The following AFG1L variants were observed in gnomAD, a reference collection of about 807,000 sequenced individuals.
The protein encoded by AFG1L is AFG1 like ATPase, also known as AFG1-like ATPase.
AFG1L carries 53 observed loss-of-function variants against 62.2 expected under a neutral mutation model. That is an observed-to-expected ratio of 0.85 (90% CI 0.68 to 1.07). AFG1L has a LOEUF of 1.07. Among genes scored for constraint, AFG1L ranks in the 50% least tolerant of loss-of-function variants. The pLI is 0.00. For synonymous variants in AFG1L, 228 were observed against 210.3 expected (o/e 1.08, Z -0.73); for missense variants, 555 against 590.5 (o/e 0.94, Z 0.62).
intron 7 of AFG1L, among the ~76,000 whole-genome samples, chr6:108,430,858 T>G (rs1406218908): frequency 6.6e-6 from 1 of 152,230 alleles, no homozygotes; most frequent in Non-Finnish European, 1.5e-5. Context: ...GTAAATTGTT[T>G]GGATGAACAG....
At chr6:108,491,298 T>G (rs1773771768) in intron 10 of AFG1L, among the ~76,000 whole-genome samples, 1 of 152,204 alleles carries the variant, frequency 6.6e-6, no homozygotes, top group African/African-American at 2.4e-5. Context: ...TTCAGTAAGT[T>G]AGAAGATAAA....
chr6:108,520,017 T>C (rs914758339), intron 12 of AFG1L: 2 of 371,124 alleles, frequency 5.4e-6, no homozygotes, highest in African/African-American at 2.1e-5. Context: ...ACCTTAGTGG[T>C]CATGTAGTTC....
intron 8 of AFG1L, among the ~76,000 whole-genome samples, chr6:108,453,468 T>A (rs66784183): frequency 0.13 from 19,500 of 152,148 alleles, 1,505 homozygotes; most frequent in South Asian, 0.22. Flanking sequence ...CACCATTTTT[T>A]AAAAGAATAA....
At chr6:108,386,209 C>G (rs1300212562) in intron 6 of AFG1L, among the ~76,000 whole-genome samples, 2 of 152,198 alleles carry the variant, frequency 1.3e-5, no homozygotes, top group Admixed American at 6.5e-5. Context: ...TGCCTGTAAT[C>G]TCAGCACTTT....
At chr6:108,436,012 C>T (rs944720415) in intron 7 of AFG1L, among the ~76,000 whole-genome samples, 1 of 152,188 alleles carries the variant, frequency 6.6e-6, no homozygotes, top group Non-Finnish European at 1.5e-5. Flanking sequence ...TCACATAGAA[C>T]TTACAGGCTT....
chr6:108,454,656 T>TTTA (rs1772182663), intron 8 of AFG1L, among the ~76,000 whole-genome samples: 1 of 152,180 alleles, frequency 6.6e-6, no homozygotes, highest in South Asian at 2.1e-4. Context: ...TCTGTTCTTT[T>TTTA]TTATTATTAT....
chr6:108,460,963 G>GACA (rs897521423), intron 8 of AFG1L, among the ~76,000 whole-genome samples: 13 of 152,088 alleles, frequency 8.5e-5, no homozygotes, highest in South Asian at 4.2e-4. Context: ...TCTCAACAAT[G>GACA]ACAACAACAA....
intron 2 of AFG1L, among the ~76,000 whole-genome samples, chr6:108,330,545 G>A (rs948886413): frequency 2.0e-5 from 3 of 152,130 alleles, no homozygotes; most frequent in Admixed American, 1.3e-4. Flanking sequence ...GTAAACCTTT[G>A]TCTTGGGTAT....
chr6:108,451,599 T>G (rs1054745790), intron 8 of AFG1L, among the ~76,000 whole-genome samples: 47 of 152,240 alleles, frequency 3.1e-4, no homozygotes, highest in Non-Finnish European at 6.3e-4. Context: ...AGACCTTGAT[T>G]GCAAATATCC....
intron 7 of AFG1L, among the ~76,000 whole-genome samples, chr6:108,403,845 A>T (rs1781736423): frequency 6.6e-6 from 1 of 151,658 alleles, no homozygotes; most frequent in African/African-American, 2.4e-5. Flanking sequence ...GTAATTAGTC[A>T]TACTTCAATA....
At chr6:108,453,830 T>A (rs780603866) in intron 8 of AFG1L, among the ~76,000 whole-genome samples, 4 of 152,214 alleles carry the variant, frequency 2.6e-5, no homozygotes, top group African/African-American at 4.8e-5. Flanking sequence ...ATTACAATTC[T>A]GTCCCAGACA....
intron 7 of AFG1L, among the ~76,000 whole-genome samples, chr6:108,407,733 C>A (rs1008312674): frequency 6.6e-6 from 1 of 151,690 alleles, no homozygotes; most frequent in East Asian, 1.9e-4. Flanking sequence ...GGAACCTCAC[C>A]ATCTGTTGTT....
intron 2 of AFG1L, among the ~76,000 whole-genome samples, chr6:108,338,823 T>G (rs1778568579): frequency 6.6e-6 from 1 of 152,248 alleles, no homozygotes; most frequent in African/African-American, 2.4e-5. Context: ...CAACAAAAGA[T>G]GCGAGACCCC....
chr6:108,353,003 G>A (rs1454681529), intron 3 of AFG1L, among the ~76,000 whole-genome samples: 3 of 152,068 alleles, frequency 2.0e-5, no homozygotes, highest in South Asian at 2.1e-4. Context: ...ATCCATTAAT[G>A]GATGTTTGGG....
chr6:108,522,366 C>T lies in AFG1L; in HGVS notation c.1387C>T (p.Arg463Ter), dbSNP rs374172411. 53 of 1,613,770 alleles carry T rather than the reference C, an allele frequency of 3.3e-5. No homozygotes were observed. Among genetic ancestry groups the T allele is most frequent in the East Asian group, 6.7e-5 (3 of 44,880 alleles). ...CTTTGCATTTCAGCGCACAATTTCC[C>T]GACTCACGGAAATGCAGACTGAACA... is the stretch of plus-strand genomic sequence containing the variant. ...EIFAFQRTIS[R>*]LTEMQTEQYW... The change falls in exon 13 of 13, where the codon CGA (arginine) becomes TGA (stop). Residue 463 changes from arginine to a stop codon, truncating the protein, a stop_gained. Transcript: ENST00000368977. LOFTEE classifies it high-confidence loss of function.
chr6:108,378,475 C>T lies in AFG1L; in HGVS notation c.748+12143C>T, dbSNP rs567116399. 1.3e-3 allele frequency among the ~76,000 whole-genome samples: 192 copies of T among 152,084 alleles called. 2 individuals carry two copies. Among genetic ancestry groups the T allele is most frequent in the African/African-American group, 3.7e-3 (153 of 41,490 alleles). On this transcript the variant is annotated intron_variant, in intron 6 of 12. Coordinates refer to ENST00000368977, the MANE Select transcript of AFG1L (RefSeq NM_145315.5). ...CTGGGATTACAGGCACATGCCACCA[C>T]GCCCAGCTAATTTTTGTATTTTTAG...
chr6:108,330,622 T>A (rs1778240019), intron 2 of AFG1L, among the ~76,000 whole-genome samples: 2 of 152,140 alleles, frequency 1.3e-5, no homozygotes, highest in Non-Finnish European at 2.9e-5. Flanking sequence ...CACAGCACAG[T>A]CTTCTTTCTC....
chr6:108,348,807 A>G (rs1778966852), intron 3 of AFG1L, among the ~76,000 whole-genome samples: 1 of 152,226 alleles, frequency 6.6e-6, no homozygotes, highest in Non-Finnish European at 1.5e-5. Context: ...ATATTAAGTC[A>G]TCGCTAAAAT....
chr6:108,422,084 CA>C (rs1296495840), intron 7 of AFG1L, among the ~76,000 whole-genome samples: 3 of 151,828 alleles, frequency 2.0e-5, no homozygotes, highest in African/African-American at 7.3e-5. Flanking sequence ...TGAAATTATA[CA>C]AAGTAAAATG....
Sources: allele counts gnomAD v4.1 joint callset (sites outside exome capture counted in the v4.1 genomes callset), GRCh38; gene constraint gnomAD v4.1.1; transcripts MANE v1.5; gene names NCBI Gene and HGNC (gene_info 2026-07-23, HGNC 2026-07-21).